CRISP2: variants seen among roughly 807,000 people sequenced by gnomAD.
The protein encoded by CRISP2 is cysteine-rich secretory protein 2.
In CRISP2, 29 loss-of-function variants were observed where a neutral mutation model predicts 31.7. The ratio of observed to expected loss-of-function variants is 0.92; its 90% CI spans 0.68 to 1.25. The LOEUF is 1.25. Ranked by LOEUF, CRISP2 falls within the 50% of genes most tolerant of loss-of-function variation. The pLI, the probability that CRISP2 is intolerant of heterozygous loss-of-function variation, is 0.00. For missense variants in CRISP2, 318 were observed against 286.5 expected (o/e 1.11, Z -0.79); for synonymous variants, 111 against 101.4 (o/e 1.09, Z -0.57).
chr6:49,682,629 TTC>T, the CRISP2 span, among the ~76,000 whole-genome samples: 33 of 64,724 alleles, frequency 5.1e-4, no homozygotes, highest in African/African-American at 3.0e-3. Flanking sequence ...CTTTCTTTCT[TTC>T]TTTCTTTCTT....
At position 49,699,874 on chromosome 6, in the gene CRISP2, T is replaced by C. The variant is rs1765366328; in HGVS notation, c.201A>G (p.Val67=). 2 of 1,612,580 alleles carry C rather than the reference T, an allele frequency of 1.2e-6. No homozygotes were observed. The highest frequency in any genetic ancestry group is 2.7e-5 in the African/African-American group (2 of 74,862). Residue 67 remains valine, a synonymous_variant, in exon 6 of 10, where the codon GTA becomes GTG. Coordinates refer to ENST00000339139, the MANE Select transcript of CRISP2 (RefSeq NM_003296.4). ...NMLKMEWSRE[V]TTNAQRWANK... is the part of the protein sequence containing the mutation. ...TTGCCCACCTTTGGGCATTCGTTGT[T>C]ACCTCTCTGCTCCATTCCTAAACGT...
chr6:49,692,646 G>T lies in CRISP2; in HGVS notation c.*127C>A. The stretch of plus-strand genomic sequence containing the variant: ...TGAAAGTGATTTCTGTGATGATCTG[G>T]GGGAGAAGATGCATTGCTCTTTGAA... On this transcript the variant is annotated 3_prime_UTR_variant, in exon 10 of 10. Transcript: ENST00000339139. The T allele has an allele frequency of 2.4e-6, 2 of 842,570 alleles. No individual in the cohort carries two copies. The highest frequency in any genetic ancestry group is 2.2e-5 in the South Asian group (1 of 45,110). The allele number at this position is 842,570 out of a possible 1,614,324, so 52.2% of individuals were successfully genotyped here.
At chr6:49,696,608 A>G (rs543692269) in intron 8 of CRISP2, among the ~76,000 whole-genome samples, 1 of 151,932 alleles carries the variant, frequency 6.6e-6, no homozygotes, top group East Asian at 1.9e-4. Flanking sequence ...AAAAGAAAAA[A>G]AGATTAAAGA....
intron 4 of CRISP2, among the ~76,000 whole-genome samples, chr6:49,707,026 G>T (rs529136127): frequency 6.6e-6 from 1 of 152,076 alleles, no homozygotes; most frequent in African/African-American, 2.4e-5. Flanking sequence ...GGTTTTTGTG[G>T]TTTCATCTCA....
intron 8 of CRISP2, 181 bp downstream of exon 8, chr6:49,697,679 A>T: frequency 1.3e-6 from 2 of 1,500,172 alleles, no homozygotes; most frequent in Non-Finnish European, 1.8e-6. Flanking sequence ...TTTATACCTG[A>T]AAGTGAGAAG....
At chr6:49,703,761 T>C (rs576768499) in intron 4 of CRISP2, among the ~76,000 whole-genome samples, 1 of 152,192 alleles carries the variant, frequency 6.6e-6, no homozygotes, top group Non-Finnish European at 1.5e-5. Context: ...GGTTACCTGA[T>C]GCTTTTGCCT....
chr6:49,711,812 T>C (rs1264544778), intron 2 of CRISP2, among the ~76,000 whole-genome samples: 2 of 152,222 alleles, frequency 1.3e-5, no homozygotes, highest in Non-Finnish European at 2.9e-5. Context: ...GTTTTTCTTA[T>C]GTAAAATGTA....
intron 3 of CRISP2, 106 bp from the exon 4 acceptor site, chr6:49,709,311 T>C (rs553115705): frequency 4.4e-5 from 41 of 939,574 alleles, no homozygotes; most frequent in Non-Finnish European, 3.1e-5. Flanking sequence ...GGAACTGTGA[T>C]TCCCAGATTC....
chr6:49,680,600 C>A, the CRISP2 span, among the ~76,000 whole-genome samples: 1 of 152,176 alleles, frequency 6.6e-6, no homozygotes, highest in Non-Finnish European at 1.5e-5. Context: ...AATGGCTGAA[C>A]TAATTTACAC....
chr6:49,696,314 G>A (rs1218446353), intron 8 of CRISP2, among the ~76,000 whole-genome samples: 1 of 152,096 alleles, frequency 6.6e-6, no homozygotes, highest in African/African-American at 2.4e-5. Context: ...GGAGTAGCAG[G>A]TTGTGGCAGG....
intron 2 of CRISP2, among the ~76,000 whole-genome samples, chr6:49,712,072 A>G (rs892724809): frequency 6.6e-6 from 1 of 152,214 alleles, no homozygotes; most frequent in African/African-American, 2.4e-5. Flanking sequence ...ATAGGAAAAT[A>G]CAATCAGTAT....
intron 4 of CRISP2, among the ~76,000 whole-genome samples, chr6:49,708,212 C>G (rs987840368): frequency 1.3e-5 from 2 of 152,022 alleles, no homozygotes; most frequent in East Asian, 3.9e-4. Flanking sequence ...AGCTTTCTAA[C>G]CCCATAGACC....
At chr6:49,680,985 CTCTT>C in the CRISP2 span, among the ~76,000 whole-genome samples, 2 of 152,290 alleles carry the variant, frequency 1.3e-5, no homozygotes, top group African/African-American at 4.8e-5. Context: ...TGTACAGAAA[CTCTT>C]TAGTTTAATC....
chr6:49,682,409 C>A, the CRISP2 span, among the ~76,000 whole-genome samples: 2 of 152,036 alleles, frequency 1.3e-5, no homozygotes, highest in Non-Finnish European at 2.9e-5. Flanking sequence ...ATATAACATA[C>A]TCTAGTTATC....
intron 4 of CRISP2, among the ~76,000 whole-genome samples, chr6:49,704,256 C>T (rs1766609161): frequency 6.6e-6 from 1 of 151,870 alleles, no homozygotes; most frequent in Admixed American, 6.6e-5. Context: ...TTCATTCATA[C>T]TTGTATTACT....
chr6:49,684,940 C>T, the CRISP2 span, among the ~76,000 whole-genome samples: 1 of 152,166 alleles, frequency 6.6e-6, no homozygotes, highest in Admixed American at 6.5e-5. Flanking sequence ...CTTTCATCTC[C>T]TCTGTAGCAT....
intron 9 of CRISP2, 50 bp downstream of exon 9, chr6:49,695,781 AAAGAT>A (rs1202309463): frequency 1.7e-5 from 22 of 1,303,200 alleles, no homozygotes; most frequent in Middle Eastern, 3.8e-4. Flanking sequence ...TATATAAAGA[AAAGAT>A]AATATCAATT....
At chr6:49,694,114 G>A (rs563222634) in intron 9 of CRISP2, among the ~76,000 whole-genome samples, 1 of 152,290 alleles carries the variant, frequency 6.6e-6, no homozygotes, top group South Asian at 2.1e-4. Context: ...GAGCGAATAA[G>A]TCTCCTAAGA....
At position 49,700,764 on chromosome 6, in the gene CRISP2, C is replaced by A. The variant is rs1327402485; in HGVS notation, c.87G>T (p.Leu29Phe). Residue 29 changes from leucine to phenylalanine, a missense_variant, in exon 5 of 10, where the codon TTG (leucine) becomes TTT (phenylalanine). By Grantham distance (22) the Leu-to-Phe change is conservative (BLOSUM62 0). Transcript: ENST00000339139. ...TTTGCACTTGCAACTGGGTGGTTAA[C>A]AAAGCAGTAAAAGCGGGATCCTAAA... The part of the protein sequence containing the change: ...AEGKDPAFTA[L>F]LTTQLQVQRE... The A allele has an allele frequency of 6.2e-7, 1 of 1,609,234 alleles. No individual in the cohort carries two copies.
Sources: gnomAD v4.1 joint callset for allele counts (sites outside exome capture counted in the v4.1 genomes callset) on GRCh38, gnomAD v4.1.1 for gene constraint, MANE v1.5 for transcripts, NCBI Gene and HGNC (gene_info 2026-07-23, HGNC 2026-07-21) for gene names.